The following BSCL2 variants were observed in gnomAD, a reference collection of about 807,000 sequenced individuals.
BSCL2 encodes the protein BSCL2 lipid droplet biogenesis associated, seipin, also known as seipin.
Under a neutral mutation model 57.4 loss-of-function variants are expected in BSCL2, and 41 were observed. The ratio of observed to expected loss-of-function variants is 0.71; its 90% CI spans 0.56 to 0.93. The LOEUF (loss-of-function observed/expected upper bound fraction) is 0.93. Ranked by LOEUF, BSCL2 falls within the 40% of genes least tolerant of loss-of-function variation. The pLI, the probability that BSCL2 is intolerant of heterozygous loss-of-function variation, is 0.00. For synonymous variants in BSCL2, 237 were observed against 227.3 expected (o/e 1.04, Z -0.38); for missense variants, 539 against 586.7 (o/e 0.92, Z 0.84).
At chr11:62,708,336 G>A, upstream of BSCL2, 1 of 1,613,812 alleles carries the variant, frequency 6.2e-7, no homozygotes, top group Non-Finnish European at 8.5e-7. Context: ...ATGAGTATTG[G>A]GCAAGCACGC....
upstream of BSCL2, chr11:62,709,442 G>A (rs891110524): frequency 2.2e-6 from 1 of 453,968 alleles, no homozygotes; most frequent in Non-Finnish European, 4.4e-6. Flanking sequence ...CAAGTTAAAA[G>A]GTAAACAGGC....
intron 6 of BSCL2, among the ~76,000 whole-genome samples, chr11:62,692,030 C>T (rs1050976704): frequency 2.8e-5 from 4 of 143,038 alleles, no homozygotes; most frequent in Non-Finnish European, 4.5e-5. Flanking sequence ...CCAGCCTAGG[C>T]AACAGAGCAA....
At chr11:62,695,975 C>A (rs1411758102) in intron 3 of BSCL2, among the ~76,000 whole-genome samples, 1 of 151,998 alleles carries the variant, frequency 6.6e-6, no homozygotes, top group Non-Finnish European at 1.5e-5. Flanking sequence ...GAGTTCAAGA[C>A]CAGCCTGGCC....
intron 3 of BSCL2, among the ~76,000 whole-genome samples, chr11:62,700,585 G>A (rs112402805): frequency 0.011 from 1,702 of 152,276 alleles, 32 homozygotes; most frequent in African/African-American, 0.039. Context: ...AGGTTGCAGC[G>A]AGCCAAGATC....
intron 4 of BSCL2, among the ~76,000 whole-genome samples, chr11:62,693,876 G>A (rs996468683): frequency 1.3e-4 from 19 of 151,818 alleles, no homozygotes; most frequent in African/African-American, 3.9e-4. Context: ...ATGCAGTGGC[G>A]CGATCTTGGC....
chr11:62,690,314 G>A lies in BSCL2; in HGVS notation c.*53C>T, dbSNP rs1401816370. 1.2e-6 allele frequency: 2 copies of A among 1,611,756 alleles called. No individual in the cohort carries two copies. The highest frequency in any genetic ancestry group is 1.7e-6 in the Non-Finnish European group (2 of 1,179,088). ...ATAGTTTATTGAAGGAAAAACGAGG[G>A]GAGAGGAGTCAGGTGGGAAAGTGCT... On this transcript the variant is annotated 3_prime_UTR_variant, in exon 11 of 11. Transcript: ENST00000360796.
chr11:62,707,942 T>C (rs975622017), upstream of BSCL2: 8 of 318,754 alleles, frequency 2.5e-5, no homozygotes, highest in African/African-American at 1.3e-4. Flanking sequence ...TTTTCTCCTG[T>C]TGGGGCTCAC....
chr11:62,705,369 G>A lies in BSCL2; in HGVS notation c.336C>T (p.Leu112=). 1.2e-6 allele frequency: 2 copies of A among 1,614,148 alleles called. No individual in the cohort carries two copies. Among genetic ancestry groups the A allele is most frequent in the South Asian group, 1.1e-5 (1 of 91,068 alleles). ...TATAGGAATAGTAGAAGGAGCCATA[G>A]AGGAAGACAGACACCCAGAGCAAAA... ...ILLLLWVSVF[L]YGSFYYSYMP... is the part of the protein sequence containing the mutation. Residue 112 remains leucine, a synonymous_variant, in exon 2 of 11, where the codon CTC becomes CTT. Coordinates refer to ENST00000360796, the MANE Select transcript of BSCL2 (RefSeq NM_001122955.4).
chr11:62,709,340 G>T (rs754122733), upstream of BSCL2: 1 of 454,066 alleles, frequency 2.2e-6, no homozygotes, highest in Admixed American at 2.3e-5. Context: ...GATGGCGGGC[G>T]CGAGAGAGCG....
chr11:62,708,182 A>T, upstream of BSCL2: 1 of 762,278 alleles, frequency 1.3e-6, no homozygotes, highest in South Asian at 1.4e-5. Context: ...GGAGGATAGG[A>T]GGGGAACAAA....
chr11:62,696,177 A>G (rs1945453621), intron 3 of BSCL2, among the ~76,000 whole-genome samples: 1 of 152,108 alleles, frequency 6.6e-6, no homozygotes. Context: ...TCTCAAAACA[A>G]ACAAACAAAC....
At chr11:62,702,811 T>C (rs1398455784) in intron 2 of BSCL2, among the ~76,000 whole-genome samples, 2 of 152,100 alleles carry the variant, frequency 1.3e-5, no homozygotes, top group East Asian at 1.9e-4. Flanking sequence ...ACTTAAATAG[T>C]TGCATACTTC....
At chr11:62,693,490 C>G (rs1031061225) in intron 4 of BSCL2, among the ~76,000 whole-genome samples, 2 of 152,132 alleles carry the variant, frequency 1.3e-5, no homozygotes, top group African/African-American at 4.8e-5. Flanking sequence ...GGCGACAGAG[C>G]AAGATCTCTG....
chr11:62,695,693 A>G (rs976355242), intron 3 of BSCL2, among the ~76,000 whole-genome samples: 13 of 145,376 alleles, frequency 8.9e-5, no homozygotes, highest in Non-Finnish European at 1.7e-4. Flanking sequence ...CCTGGGCGAC[A>G]AGAGCAAAAC....
intron 1 of BSCL2, chr11:62,706,175 G>C: frequency 9.7e-7 from 1 of 1,035,880 alleles, no homozygotes; most frequent in Non-Finnish European, 1.2e-6. Flanking sequence ...TCCAGCTCGG[G>C]GGTGGGCAAA....
chr11:62,705,678 A>T (rs1277842833), intron 1 of BSCL2, 61 bp from the exon 2 acceptor site: 2 of 1,417,536 alleles, frequency 1.4e-6, no homozygotes, highest in Non-Finnish European at 1.9e-6. Flanking sequence ...GGGACAAAAC[A>T]GCTTACTGGA....
intron 3 of BSCL2, among the ~76,000 whole-genome samples, chr11:62,701,606 C>G (rs1231189156): frequency 6.6e-6 from 1 of 152,002 alleles, no homozygotes; most frequent in African/African-American, 2.4e-5. Flanking sequence ...GGGAGGCGGG[C>G]AGATCACAAG....
At chr11:62,707,468 C>T (rs1235198413), upstream of BSCL2, 7 of 678,728 alleles carry the variant, frequency 1.0e-5, no homozygotes, top group East Asian at 2.7e-5. Flanking sequence ...CTGCAGGGGC[C>T]GTCATAGGCC....
rs183259035 is a variant in BSCL2, at chr11:62,692,335, C to T, written c.863+41G>A. ...ACCCTCTTGGTGGAAGGTTAGCCCCCGTGAAGAGTTGCCCAAGGTTCACTC... is the reference window on the plus strand; with the variant it reads ...ACCCTCTTGGTGGAAGGTTAGCCCCTGTGAAGAGTTGCCCAAGGTTCACTC... On this transcript the variant is annotated intron_variant, in intron 6 of 10. Coordinates refer to ENST00000360796, the MANE Select transcript of BSCL2 (RefSeq NM_001122955.4). The T allele has an allele frequency of 1.5e-5, 24 of 1,595,972 alleles. No individual in the cohort carries two copies. The East Asian group carries it at 3.6e-4, about 24-fold the overall frequency.
Sources: gnomAD v4.1 joint callset for allele counts (sites outside exome capture counted in the v4.1 genomes callset) on GRCh38, gnomAD v4.1.1 for gene constraint, MANE v1.5 for transcripts, NCBI Gene and HGNC (gene_info 2026-07-23, HGNC 2026-07-21) for gene names.